The following SPECC1L variants were observed in gnomAD, a reference collection of about 807,000 sequenced individuals.
SPECC1L encodes the protein cytospin-A.
A neutral mutation model predicts 116.8 loss-of-function variants in SPECC1L; 40 were observed. The observed-to-expected ratio is 0.34, with a 90% CI of 0.27 to 0.45. SPECC1L has a LOEUF of 0.45. Among genes scored for constraint, SPECC1L ranks in the 20% least tolerant of loss-of-function variants. The pLI is 1.00. For synonymous variants in SPECC1L, 504 were observed against 500.6 expected, an observed-to-expected ratio of 1.01 and a Z score of -0.09; for missense variants, 1,110 against 1,373.6, an observed-to-expected ratio of 0.81 and a Z score of 3.03.
At chr22:24,402,555 G>C (rs2042500432) in intron 14 of SPECC1L, among the ~76,000 whole-genome samples, 1 of 152,204 alleles carries the variant, frequency 6.6e-6, no homozygotes, top group African/African-American at 2.4e-5. Flanking sequence ...TCCCCAGCAG[G>C]TTTCATTCTG....
At chr22:24,313,071 T>A (rs1345285825) in intron 3 of SPECC1L, among the ~76,000 whole-genome samples, 1 of 152,174 alleles carries the variant, frequency 6.6e-6, no homozygotes, top group African/African-American at 2.4e-5. Context: ...ATAGCAGGCT[T>A]CCATAAAGTC....
intron 11 of SPECC1L, among the ~76,000 whole-genome samples, chr22:24,349,053 T>A (rs1302012322): frequency 6.6e-6 from 1 of 152,150 alleles, no homozygotes; most frequent in Non-Finnish European, 1.5e-5. Flanking sequence ...TTTTCTTTGT[T>A]TTTTTGAGAC....
At chr22:24,411,210 AAAAAAC>A (rs1357330588) in intron 14 of SPECC1L, among the ~76,000 whole-genome samples, 1 of 125,852 alleles carries the variant, frequency 7.9e-6, no homozygotes. Context: ...CAAAAAAAAC[AAAAAAC>A]AAAAAAGGGG....
chr22:24,281,975 T>C (rs1342003948), intron 2 of SPECC1L, among the ~76,000 whole-genome samples: 2 of 152,346 alleles, frequency 1.3e-5, no homozygotes, highest in Middle Eastern at 3.4e-3. Context: ...TCAGTCTCCC[T>C]GAGCATTTGA....
Position 24,369,277 on chromosome 22 carries a change from ACG to A in SPECC1L, c.3046_3047del (p.Ala1016LeufsTer16). The A allele has an allele frequency of 6.2e-7, 1 of 1,614,212 alleles. No individual in the cohort carries two copies. Among genetic ancestry groups the A allele is most frequent in the Non-Finnish European group, 8.5e-7 (1 of 1,180,000 alleles). ...AGAGAATATGGAGGATCAAAGAGGA[ACG>A]CCTTGCTGAAGTGGTGTCAGAAGAA... is the stretch of plus-strand genomic sequence containing the variant. On this transcript the variant is annotated frameshift_variant, in exon 14 of 17. Coordinates refer to ENST00000314328, the MANE Select transcript of SPECC1L (RefSeq NM_015330.6). LOFTEE classifies it high-confidence loss of function.
chr22:24,412,722 C>T lies in SPECC1L; in HGVS notation c.3264+15C>T. ...AATCCACACTGGTGAGCCCTTGTCCCCCTGAGTCACTGGCAGGGCCCTCCT... is the reference window on the plus strand; with the variant it reads ...AATCCACACTGGTGAGCCCTTGTCCTCCTGAGTCACTGGCAGGGCCCTCCT... On this transcript the variant is annotated intron_variant, in intron 16 of 16. Transcript: ENST00000314328. The T allele has an allele frequency of 1.9e-6, 3 of 1,613,824 alleles. No homozygotes were observed. The Admixed American group carries it at 5.0e-5, about 27-fold the overall frequency.
rs1455865518 is a variant in SPECC1L at position 24,316,911 on chromosome 22, A to AC, written c.307+3452dup. Among the ~76,000 whole-genome samples the AC allele has an allele frequency of 6.7e-4, 70 of 104,444 alleles. 10 individuals carry two copies. Among genetic ancestry groups the AC allele is most frequent in the Non-Finnish European group, 5.4e-4 (27 of 49,894 alleles). 68.5% of individuals were successfully genotyped at this position (104,444 alleles called of 152,430 possible). A position where few individuals can be genotyped will look rare whatever the true frequency, so the allele number is the denominator to read the frequency against. On this transcript the variant is annotated intron_variant, in intron 4 of 16. Transcript: ENST00000314328. The stretch of plus-strand genomic sequence containing the variant: ...GGGCGGCTGGCCGGGCGGGGGGCTG[A>AC]CCCCCCCAACCTCCCTCCCAGACGG...
intron 10 of SPECC1L, among the ~76,000 whole-genome samples, chr22:24,345,084 G>A (rs1324938794): frequency 6.6e-6 from 1 of 152,130 alleles, no homozygotes. Context: ...TGTGGTCGGG[G>A]GGGTGCGGGT....
chr22:24,366,855 G>A (rs145387163), intron 13 of SPECC1L, among the ~76,000 whole-genome samples: 176 of 152,270 alleles, frequency 1.2e-3, no homozygotes, highest in African/African-American at 3.6e-3. Flanking sequence ...TTTAGCATAC[G>A]TTGTTTATAG....
intron 2 of SPECC1L, among the ~76,000 whole-genome samples, chr22:24,281,616 A>G (rs928291470): frequency 6.6e-6 from 1 of 152,232 alleles, no homozygotes; most frequent in Non-Finnish European, 1.5e-5. Context: ...TAATATATAA[A>G]AATAATACTT....
At chr22:24,412,426 G>A in intron 15 of SPECC1L, 1 of 627,148 alleles carries the variant, frequency 1.6e-6, no homozygotes, top group Non-Finnish European at 2.9e-6. Context: ...AAGAACGGGT[G>A]TTGGTGGGTC....
chr22:24,304,596 T>C (rs1569412777), intron 3 of SPECC1L: 1 of 152,228 alleles, frequency 6.6e-6, no homozygotes, highest in Non-Finnish European at 1.5e-5. Flanking sequence ...GCCTACGCTT[T>C]GCAGGGTTCA....
intron 14 of SPECC1L, among the ~76,000 whole-genome samples, chr22:24,381,856 T>C (rs1001391214): frequency 1.3e-5 from 2 of 152,036 alleles, no homozygotes; most frequent in African/African-American, 4.8e-5. Flanking sequence ...TGCACTCCAG[T>C]CTGGGCGACA....
intron 13 of SPECC1L, among the ~76,000 whole-genome samples, chr22:24,366,959 C>T (rs545718866): frequency 7.5e-4 from 114 of 152,184 alleles, no homozygotes; most frequent in African/African-American, 2.6e-3. Context: ...TCTGGGAGGC[C>T]GAGATGGGCA....
intron 1 of SPECC1L, among the ~76,000 whole-genome samples, chr22:24,274,605 A>G (rs1459708577): frequency 6.6e-6 from 1 of 152,212 alleles, no homozygotes; most frequent in Non-Finnish European, 1.5e-5. Flanking sequence ...GAAGAGAGTG[A>G]ATATCTTTTA....
At chr22:24,408,029 T>G (rs561234383) in intron 14 of SPECC1L, among the ~76,000 whole-genome samples, 30 of 152,178 alleles carry the variant, frequency 2.0e-4, no homozygotes, top group Non-Finnish European at 4.1e-4. Context: ...TCTTGGCCTC[T>G]CGGAGCCTCA....
Position 24,412,698 on chromosome 22 carries a change from A to T in SPECC1L, c.3255A>T (p.Lys1085Asn). 6.2e-7 allele frequency: 1 copy of T among 1,614,138 alleles called. No homozygotes were observed. The highest frequency in any genetic ancestry group is 8.5e-7 in the Non-Finnish European group (1 of 1,180,036). Residue 1085 changes from lysine (K) to asparagine (N), a missense_variant, in exon 16 of 17, where the codon AAA becomes AAT. By Grantham distance (94) the Lys-to-Asn change is moderately conservative. Around this residue, in one of 4 missense-constraint regions of SPECC1L, gnomAD observed 76 missense variants for 148.5 expected, o/e 0.51. Coordinates refer to ENST00000314328, the MANE Select transcript of SPECC1L (RefSeq NM_015330.6). ...AGGCAGCTGAAAGTGTCGGCATCAA[A>T]TCCACACTGGTGAGCCCTTGTCCCC... ...AFQAAESVGI[K>N]STLDINEMVR... is the part of the protein sequence containing the mutation.
intron 2 of SPECC1L, among the ~76,000 whole-genome samples, chr22:24,282,746 T>G (rs189368833): frequency 1.7e-3 from 264 of 152,228 alleles, no homozygotes; most frequent in Admixed American, 4.2e-3. Context: ...TCTGTTTTAG[T>G]TTACAATGTG....
chr22:24,392,324 TATC>T (rs200373390), intron 14 of SPECC1L, among the ~76,000 whole-genome samples: 1,793 of 152,376 alleles, frequency 0.012, 34 homozygotes, highest in African/African-American at 0.04. Flanking sequence ...AATCTTTATG[TATC>T]ATCTCAAATA....
Sources: allele counts gnomAD v4.1 joint callset (sites outside exome capture counted in the v4.1 genomes callset), GRCh38; gene constraint gnomAD v4.1.1; regional missense constraint gnomAD v4.1.1; transcripts MANE v1.5; gene names NCBI Gene and HGNC (gene_info 2026-07-23, HGNC 2026-07-21).